COL26A1: variants seen among roughly 807,000 people sequenced by gnomAD.
COL26A1 encodes the protein collagen alpha-1(XXVI) chain.
Under a neutral mutation model 59.3 loss-of-function variants are expected in COL26A1, and 41 were observed. The observed-to-expected ratio is 0.69, with a 90% CI of 0.54 to 0.90. COL26A1 has a LOEUF of 0.90. COL26A1 is among the 40% of genes least tolerant of loss of function. The pLI, the probability that COL26A1 is intolerant of heterozygous loss-of-function variation, is 0.00. For synonymous variants in COL26A1, 266 were observed against 256.0 expected, an observed-to-expected ratio of 1.04 and a Z score of -0.37; for missense variants, 612 against 602.3, an observed-to-expected ratio of 1.02 and a Z score of -0.17.
At chr7:101,417,700 A>G (rs1422981914) in intron 1 of COL26A1, among the ~76,000 whole-genome samples, 1 of 133,806 alleles carries the variant, frequency 7.5e-6, no homozygotes, top group African/African-American at 2.6e-5. Flanking sequence ...ATATAGAGAT[A>G]TATCTATAGA....
intron 2 of COL26A1, among the ~76,000 whole-genome samples, chr7:101,430,475 AGAGACGG>A (rs1373747889): frequency 1.3e-5 from 2 of 150,704 alleles, no homozygotes. Context: ...TTTTTTTTTT[AGAGACGG>A]GTTTCACCAT....
At chr7:101,506,845 T>C (rs1322710883) in intron 3 of COL26A1, among the ~76,000 whole-genome samples, 1 of 152,160 alleles carries the variant, frequency 6.6e-6, no homozygotes, top group African/African-American at 2.4e-5. Context: ...CCTCTCCAAC[T>C]TCCCTCTTAG....
At chr7:101,500,955 G>A (rs576802554) in intron 3 of COL26A1, among the ~76,000 whole-genome samples, 2 of 151,950 alleles carry the variant, frequency 1.3e-5, no homozygotes, top group Non-Finnish European at 2.9e-5. Context: ...AGGCCAAGGC[G>A]GGCGGATCAC....
intron 3 of COL26A1, among the ~76,000 whole-genome samples, chr7:101,514,654 C>A (rs932093900): frequency 1.3e-5 from 2 of 152,198 alleles, no homozygotes; most frequent in Non-Finnish European, 2.9e-5. Flanking sequence ...GATGTCAGGA[C>A]CCCCCTCCAA....
intron 1 of COL26A1, among the ~76,000 whole-genome samples, chr7:101,376,230 T>G (rs1791316442): frequency 6.6e-6 from 1 of 151,496 alleles, no homozygotes; most frequent in South Asian, 2.1e-4. Context: ...GGCGGCAGGA[T>G]CACTTGAGCC....
intron 3 of COL26A1, among the ~76,000 whole-genome samples, chr7:101,526,274 C>G (rs779458293): frequency 1.3e-5 from 2 of 152,124 alleles, no homozygotes; most frequent in African/African-American, 2.4e-5. Context: ...GTCTTGACCT[C>G]TCAACCTCAG....
chr7:101,494,798 G>A (rs1430291078), intron 3 of COL26A1, among the ~76,000 whole-genome samples: 2 of 152,224 alleles, frequency 1.3e-5, no homozygotes, highest in Admixed American at 1.3e-4. Flanking sequence ...AACGTGACTT[G>A]GCTTGGTCCC....
intron 3 of COL26A1, among the ~76,000 whole-genome samples, chr7:101,485,982 G>A (rs1794260261): frequency 6.6e-6 from 1 of 152,030 alleles, no homozygotes; most frequent in African/African-American, 2.4e-5. Context: ...AGACCAGCCT[G>A]GACAACATGG....
intron 6 of COL26A1, among the ~76,000 whole-genome samples, chr7:101,544,471 C>T (rs1795686835): frequency 1.3e-5 from 2 of 151,790 alleles, no homozygotes; most frequent in African/African-American, 4.8e-5. Context: ...AGATGATCCA[C>T]CCACCTTGGC....
chr7:101,550,228 AGGT>A (rs1225437853), intron 9 of COL26A1, among the ~76,000 whole-genome samples: 1 of 152,206 alleles, frequency 6.6e-6, no homozygotes, highest in African/African-American at 2.4e-5. Flanking sequence ...TGGGAGGCTA[AGGT>A]GGGAGGATCG....
chr7:101,394,577 TTTC>T (rs1791807787), intron 1 of COL26A1, among the ~76,000 whole-genome samples: 2 of 124,446 alleles, frequency 1.6e-5, no homozygotes, highest in Non-Finnish European at 3.5e-5. Flanking sequence ...TAGCTATTTT[TTTC>T]TTTTCTTTTT....
chr7:101,400,000 A>T (rs1791953241), intron 1 of COL26A1, among the ~76,000 whole-genome samples: 1 of 152,150 alleles, frequency 6.6e-6, no homozygotes, highest in African/African-American at 2.4e-5. Context: ...AGAGACAGTC[A>T]TGTCCGGGGG....
intron 3 of COL26A1, among the ~76,000 whole-genome samples, chr7:101,508,623 C>T (rs1794861031): frequency 6.6e-6 from 1 of 151,490 alleles, no homozygotes; most frequent in South Asian, 2.1e-4. Flanking sequence ...GCCCCTCTCT[C>T]CTAAAGCATG....
chr7:101,414,864 G>A (rs1792335985), intron 1 of COL26A1, among the ~76,000 whole-genome samples: 1 of 152,192 alleles, frequency 6.6e-6, no homozygotes. Flanking sequence ...TGGCAGAGGT[G>A]GAATTCACAG....
intron 1 of COL26A1, among the ~76,000 whole-genome samples, chr7:101,384,013 T>C (rs1248516357): frequency 7.4e-6 from 1 of 135,818 alleles, no homozygotes; most frequent in African/African-American, 3.3e-5. Flanking sequence ...TGCAAGTTTG[T>C]TTATTTATTT....
At chr7:101,398,598 G>T (rs186760073) in intron 1 of COL26A1, among the ~76,000 whole-genome samples, 7 of 152,286 alleles carry the variant, frequency 4.6e-5, no homozygotes. Context: ...GAATCAATGT[G>T]TCAGCGGCTG....
chr7:101,416,076 T>C (rs1792364778), intron 1 of COL26A1, among the ~76,000 whole-genome samples: 1 of 143,746 alleles, frequency 7.0e-6, no homozygotes, highest in African/African-American at 2.5e-5. Flanking sequence ...ATGGAATTTT[T>C]TTTTCTTGTT....
chr7:101,421,004 G>A (rs564826005), intron 2 of COL26A1, among the ~76,000 whole-genome samples: 1 of 152,198 alleles, frequency 6.6e-6, no homozygotes, highest in East Asian at 1.9e-4. Flanking sequence ...CCCAAGCACC[G>A]TGGAGCCGCT....
intron 1 of COL26A1, among the ~76,000 whole-genome samples, chr7:101,369,659 T>C (rs1211334772): frequency 6.6e-6 from 1 of 151,584 alleles, no homozygotes; most frequent in African/African-American, 2.4e-5. Flanking sequence ...TCCATTTTTA[T>C]GGGTCTGTTG....
Sources: allele counts gnomAD v4.1 joint callset (sites outside exome capture counted in the v4.1 genomes callset), GRCh38; gene constraint gnomAD v4.1.1; transcripts MANE v1.5; gene names NCBI Gene and HGNC (gene_info 2026-07-23, HGNC 2026-07-21).